HECW1: variants seen among roughly 807,000 people sequenced by gnomAD.
HECW1 encodes the protein E3 ubiquitin-protein ligase HECW1.
In HECW1, 61 loss-of-function variants were observed where a neutral mutation model predicts 182.3. The ratio of observed to expected loss-of-function variants is 0.33; its 90% CI spans 0.27 to 0.41. HECW1 has a LOEUF of 0.41. Ranked by LOEUF, HECW1 falls within the 10% of genes least tolerant of loss-of-function variation. The probability of loss-of-function intolerance (pLI) is 1.00; values close to 1 mark genes in which losing one functional copy is unlikely to be tolerated. For synonymous variants in HECW1, 859 were observed against 832.6 expected (o/e 1.03, Z -0.55); for missense variants, 1,739 against 2,108.9 (o/e 0.82, Z 3.44).
At chr7:43,340,320 A>G (rs1812807204) in intron 5 of HECW1, among the ~76,000 whole-genome samples, 1 of 147,054 alleles carries the variant, frequency 6.8e-6, no homozygotes, top group Non-Finnish European at 1.5e-5. Context: ...TCCCGGGTTC[A>G]AGCAATTCTC....
chr7:43,453,623 T>C (rs568618356), intron 12 of HECW1, among the ~76,000 whole-genome samples: 1 of 152,346 alleles, frequency 6.6e-6, no homozygotes, highest in East Asian at 1.9e-4. Context: ...CACAGTTGTA[T>C]AGGTTTTTGT....
At chr7:43,478,477 T>TA (rs2078299422) in intron 16 of HECW1, among the ~76,000 whole-genome samples, 1 of 152,158 alleles carries the variant, frequency 6.6e-6, no homozygotes, top group Non-Finnish European at 1.5e-5. Context: ...AAGTCAAATG[T>TA]CTAACAATTA....
chr7:43,226,686 G>C (rs957849260), intron 2 of HECW1, among the ~76,000 whole-genome samples: 1 of 152,188 alleles, frequency 6.6e-6, no homozygotes, highest in Admixed American at 6.5e-5. Flanking sequence ...GAAAGAGCCT[G>C]TGAGGGGAAA....
intron 2 of HECW1, among the ~76,000 whole-genome samples, chr7:43,217,521 T>C (rs1301496591): frequency 6.6e-6 from 1 of 152,194 alleles, no homozygotes; most frequent in Non-Finnish European, 1.5e-5. Context: ...TGGGGTACCC[T>C]CGAAAGCAGG....
chr7:43,215,095 G>A (rs576719492), intron 2 of HECW1, among the ~76,000 whole-genome samples: 105 of 152,342 alleles, frequency 6.9e-4, no homozygotes, highest in Non-Finnish European at 1.2e-3. Flanking sequence ...AAAATGTAAG[G>A]ATTGAATTTT....
At chr7:43,156,114 G>A (rs1789853207) in intron 2 of HECW1, among the ~76,000 whole-genome samples, 1 of 152,148 alleles carries the variant, frequency 6.6e-6, no homozygotes, top group African/African-American at 2.4e-5. Context: ...TCAATAATTG[G>A]AAGTTTTTTA....
intron 6 of HECW1, among the ~76,000 whole-genome samples, chr7:43,372,536 T>C (rs1479864092): frequency 2.0e-5 from 3 of 152,082 alleles, no homozygotes; most frequent in Non-Finnish European, 4.4e-5. Flanking sequence ...TGTTTTCCTT[T>C]TTTTAGACTT....
chr7:43,273,907 G>A (rs990322981), intron 3 of HECW1, among the ~76,000 whole-genome samples: 7 of 150,362 alleles, frequency 4.7e-5, no homozygotes, highest in Non-Finnish European at 8.9e-5. Context: ...GCTGGAGTGC[G>A]GTGGCACAAT....
At chr7:43,227,188 T>C (rs1229402990) in intron 2 of HECW1, among the ~76,000 whole-genome samples, 3 of 152,200 alleles carry the variant, frequency 2.0e-5, no homozygotes, top group African/African-American at 4.8e-5. Context: ...GACCACTGTT[T>C]TTAGTGATTA....
chr7:43,179,045 C>G lies in HECW1; in HGVS notation c.-32+64654C>G, dbSNP rs192711029. 3.5e-4 allele frequency among the ~76,000 whole-genome samples: 53 copies of G among 152,328 alleles called. No individual in the cohort carries two copies. In the East Asian group the frequency reaches 9.6e-3, roughly 28 times the overall value. On this transcript the variant is annotated intron_variant, in intron 2 of 29. Transcript: ENST00000395891. ...ACTACTTTCTTAGAAGTGCCAGGCC[C>G]TTCACAAGTAACACCGAGGAAAAAG...
chr7:43,361,614 T>C (rs1815919775), intron 6 of HECW1, among the ~76,000 whole-genome samples: 1 of 152,168 alleles, frequency 6.6e-6, no homozygotes, highest in Admixed American at 6.5e-5. Context: ...TGGTAATAGA[T>C]GCCATCTTCC....
At chr7:43,470,255 G>A (rs2077964979) in intron 16 of HECW1, among the ~76,000 whole-genome samples, 1 of 152,190 alleles carries the variant, frequency 6.6e-6, no homozygotes, top group Non-Finnish European at 1.5e-5. Context: ...TGAAGCCTGA[G>A]CCAGAACAGA....
At chr7:43,416,627 C>A (rs1401717488) in intron 8 of HECW1, among the ~76,000 whole-genome samples, 1 of 149,544 alleles carries the variant, frequency 6.7e-6, no homozygotes, top group Non-Finnish European at 1.5e-5. Context: ...CCTCCCCCAG[C>A]CTCGCTGCCG....
chr7:43,155,363 T>A (rs1476375176), intron 2 of HECW1, among the ~76,000 whole-genome samples: 3 of 152,092 alleles, frequency 2.0e-5, no homozygotes, highest in Non-Finnish European at 4.4e-5. Flanking sequence ...AACTGGAAGT[T>A]GGAGGGGAAA....
intron 3 of HECW1, among the ~76,000 whole-genome samples, chr7:43,285,521 A>G (rs2152750830): frequency 6.6e-6 from 1 of 152,304 alleles, no homozygotes; most frequent in Non-Finnish European, 1.5e-5. Context: ...CAAAGTCATA[A>G]AAAATAAAGA....
intron 16 of HECW1, among the ~76,000 whole-genome samples, chr7:43,472,970 A>G (rs941050273): frequency 3.3e-5 from 5 of 152,164 alleles, no homozygotes; most frequent in African/African-American, 1.2e-4. Flanking sequence ...ACCCCTTCAA[A>G]TCTCACACTG....
rs1652575037 is a variant in HECW1, at chr7:43,554,895, T to A, written c.4709+105T>A. On this transcript the variant is annotated intron_variant, in intron 29 of 29. Transcript: ENST00000395891. ...TCCTTTGGGATGGAATTCTTTCCTG[T>A]CACCCAAAGTATTGTCATTGGAGTT... The A allele has an allele frequency of 2.0e-5, 20 of 1,018,128 alleles. 1 individual carries two copies. In the South Asian group the frequency reaches 3.0e-4, roughly 15 times the overall value. 63.1% of individuals were successfully genotyped at this position (1,018,128 alleles called of 1,614,324 possible).
At chr7:43,198,286 C>G (rs1396386749) in intron 2 of HECW1, among the ~76,000 whole-genome samples, 1 of 146,584 alleles carries the variant, frequency 6.8e-6, no homozygotes, top group Non-Finnish European at 1.5e-5. Context: ...ACTCACACAC[C>G]ACACACATTC....
At chr7:43,440,899 A>G (rs943113028) in intron 9 of HECW1, among the ~76,000 whole-genome samples, 2 of 152,168 alleles carry the variant, frequency 1.3e-5, no homozygotes, top group Admixed American at 1.3e-4. Flanking sequence ...GCTTGTTGGG[A>G]TATAGGTTGT....
Sources: gnomAD v4.1 joint callset for allele counts (sites outside exome capture counted in the v4.1 genomes callset) on GRCh38, gnomAD v4.1.1 for gene constraint, MANE v1.5 for transcripts, NCBI Gene and HGNC (gene_info 2026-07-23, HGNC 2026-07-21) for gene names.